Variants in MSN observed in about 807,000 individuals in gnomAD.
The protein encoded by MSN is moesin, also known as epididymis luminal protein 70.
Under a neutral mutation model 48.0 loss-of-function variants are expected in MSN, and 2 were observed. The ratio of observed to expected loss-of-function variants is 0.04; its 90% CI spans 0.02 to 0.13. MSN has a LOEUF of 0.13. Among genes scored for constraint, MSN ranks in the 10% least tolerant of loss-of-function variants. The pLI is 1.00. For missense variants in MSN, 267 were observed against 470.1 expected (o/e 0.57, Z 3.99); for synonymous variants, 146 against 166.9 (o/e 0.87, Z 0.97).
intron 1 of MSN, among the ~76,000 whole-genome samples, chrX:65,637,756 G>C (rs1002676457): frequency 3.0e-4 from 33 of 110,101 alleles, no homozygotes; most frequent in African/African-American, 1.1e-3. Context: ...TGGACTCCTG[G>C]GCTCAAGCGA....
chrX:65,687,839 T>C (rs934280191), intron 1 of MSN, among the ~76,000 whole-genome samples: 1 of 111,886 alleles, frequency 8.9e-6, no homozygotes, highest in Non-Finnish European at 1.9e-5. Flanking sequence ...CACACTCTAC[T>C]GAGATTGTCC....
chrX:65,731,358 C>A lies in MSN; in HGVS notation c.551+168C>A, dbSNP rs750227635. Among the ~76,000 whole-genome samples, 5 of 112,161 alleles carry A rather than the reference C, an allele frequency of 4.5e-5. No individual in the cohort carries two copies. The South Asian group carries it at 1.8e-3, about 41-fold the overall frequency. On this transcript the variant is annotated intron_variant, in intron 5 of 12. Coordinates refer to ENST00000360270, the MANE Select transcript of MSN (RefSeq NM_002444.3). ...CCATTATAAGGCTGTTTTTTGTTTGCTTGTTTGTTTGTTTTGCTGAATGCT... is the reference window on the plus strand; with the variant it reads ...CCATTATAAGGCTGTTTTTTGTTTGATTGTTTGTTTGTTTTGCTGAATGCT...
At chrX:65,623,070 A>G (rs1411354739) in intron 1 of MSN, among the ~76,000 whole-genome samples, 5 of 108,622 alleles carry the variant, frequency 4.6e-5, no homozygotes, top group African/African-American at 1.8e-4. Flanking sequence ...GGCTTTTCTT[A>G]GGTTGAATGT....
intron 1 of MSN, among the ~76,000 whole-genome samples, chrX:65,699,748 C>CA (rs34875923): frequency 0.11 from 4,804 of 42,506 alleles, 282 homozygotes; most frequent in Non-Finnish European, 0.18. Flanking sequence ...GAATCTGTTT[C>CA]AAAAAAAAAA....
chrX:65,735,512 A>G (rs1602871030), intron 8 of MSN, 82 bp downstream of exon 8: 1 of 1,039,747 alleles, frequency 9.6e-7, no homozygotes, highest in Non-Finnish European at 1.3e-6. Flanking sequence ...AAGTCAGGAC[A>G]TGAGGCCAAC....
intron 10 of MSN, 108 bp downstream of exon 10, chrX:65,737,446 C>A (rs1475713759): frequency 1.1e-6 from 1 of 906,026 alleles, no homozygotes; most frequent in Non-Finnish European, 1.5e-6. Flanking sequence ...GAGCAGGCTA[C>A]CACTCCATGG....
At chrX:65,690,991 C>A (rs1330736712) in intron 1 of MSN, among the ~76,000 whole-genome samples, 1 of 111,321 alleles carries the variant, frequency 9.0e-6, no homozygotes, top group Non-Finnish European at 1.9e-5. Context: ...TTCCTAGGGG[C>A]ATGGGAAGGT....
intron 1 of MSN, among the ~76,000 whole-genome samples, chrX:65,650,090 G>C (rs1275432736): frequency 2.6e-5 from 2 of 78,276 alleles, no homozygotes; most frequent in Admixed American, 1.6e-4. Flanking sequence ...GGCAGAGTGA[G>C]ACTCTGTCAC....
intron 1 of MSN, among the ~76,000 whole-genome samples, chrX:65,595,242 G>A (rs1432181283): frequency 1.8e-5 from 2 of 112,135 alleles, no homozygotes; most frequent in Non-Finnish European, 3.8e-5. Flanking sequence ...CCCCTCATGT[G>A]AAAACTTCTC....
At chrX:65,722,857 T>C (rs5965004) in intron 2 of MSN, among the ~76,000 whole-genome samples, 19,108 of 110,035 alleles carry the variant, frequency 0.17, 4,225 homozygotes, top group African/African-American at 0.61. Flanking sequence ...GATAAATGCA[T>C]GGGGGATTCA....
Position 65,632,092 on chromosome X carries a change from C to A in MSN, c.-22+43480C>A, listed in dbSNP as rs1020785576. ...AATGCCTAAATATGCAGTTACTGAG[C>A]GATGGTTTGAATGTGTCCCCCAAAA... On this transcript the variant is annotated intron_variant, in intron 1 of 3. Transcript: ENST00000609672. 3.6e-5 allele frequency among the ~76,000 whole-genome samples: 4 copies of A among 112,006 alleles called. No individual in the cohort carries two copies. The South Asian group carries it at 1.5e-3, about 42-fold the overall frequency.
chrX:65,628,910 CA>C (rs2070531490), intron 1 of MSN, among the ~76,000 whole-genome samples: 1 of 108,799 alleles, frequency 9.2e-6, no homozygotes, highest in Non-Finnish European at 1.9e-5. Flanking sequence ...GCTAAAAATA[CA>C]AAAAATTAGC....
rs146737742 is a variant in MSN at position 65,627,547 on chromosome X, G to A, written c.-22+38935G>A. On this transcript the variant is annotated intron_variant, in intron 1 of 3. Coordinates refer to the MSN transcript ENST00000609672. Reference sequence around the variant, plus strand: ...TCATGAAAATATCATGGGAATGACCGGCCCCCATGATTCAATTACCTCCCC... The same window carrying A: ...TCATGAAAATATCATGGGAATGACCAGCCCCCATGATTCAATTACCTCCCC... 4.4e-3 allele frequency among the ~76,000 whole-genome samples: 492 copies of A among 110,651 alleles called. 1 individual carries two copies. The highest frequency in any genetic ancestry group is 0.015 in the African/African-American group (466 of 30,475).
Position 65,729,348 on chromosome X carries a change from T to C in MSN, c.193-90T>C, listed in dbSNP as rs184607482. Reference sequence around the variant, plus strand: ...AGCTGTCTAAGATTATGCAAATTGATGATCTTTCAGTGTTTTCTCCCCACC... The same window carrying C: ...AGCTGTCTAAGATTATGCAAATTGACGATCTTTCAGTGTTTTCTCCCCACC... On this transcript the variant is annotated intron_variant, in intron 3 of 12. Transcript: ENST00000360270. 105 of 1,026,058 alleles carry C rather than the reference T, an allele frequency of 1.0e-4. No homozygotes were observed. In the East Asian group the frequency reaches 3.1e-3, roughly 31 times the overall value. 84.6% of individuals were successfully genotyped at this position (1,026,058 alleles called of 1,213,427 possible).
At chrX:65,640,070 TAAAG>T (rs111879632) in intron 1 of MSN, among the ~76,000 whole-genome samples, 2,709 of 111,674 alleles carry the variant, frequency 0.024, 92 homozygotes, top group African/African-American at 0.083. Flanking sequence ...ATTTTATGGA[TAAAG>T]AAAGGGGGTC....
chrX:65,613,039 A>G (rs770906575), intron 1 of MSN, among the ~76,000 whole-genome samples: 11 of 109,282 alleles, frequency 1.0e-4, no homozygotes, highest in African/African-American at 3.0e-4. Flanking sequence ...CTTGCCCCCA[A>G]CCCCCAACAG....
At chrX:65,738,504 A>G (rs1569469150) in intron 10 of MSN, 21 bp from the exon 11 acceptor site, 4 of 1,191,557 alleles carry the variant, frequency 3.4e-6, no homozygotes, top group Non-Finnish European at 3.4e-6. Context: ...CAGCTCTCAC[A>G]GGCTTCCAAT....
At chrX:65,711,034 A>ATG (rs2071409354) in intron 1 of MSN, among the ~76,000 whole-genome samples, 1 of 97,708 alleles carries the variant, frequency 1.0e-5, no homozygotes, top group South Asian at 5.0e-4. Context: ...ACAGGCGTGC[A>ATG]CCACCATGCC....
At chrX:65,628,216 C>A (rs1358916212) in intron 1 of MSN, among the ~76,000 whole-genome samples, 1 of 112,904 alleles carries the variant, frequency 8.9e-6, no homozygotes, top group Admixed American at 9.3e-5. Flanking sequence ...GGGGCTCCAG[C>A]CCCACATTTC....
Sources: gnomAD v4.1 joint callset for allele counts (sites outside exome capture counted in the v4.1 genomes callset) on GRCh38, gnomAD v4.1.1 for gene constraint, MANE v1.5 for transcripts, NCBI Gene and HGNC (gene_info 2026-07-23, HGNC 2026-07-21) for gene names.